The following CCDC93 variants were observed in gnomAD, a reference collection of about 807,000 sequenced individuals.
The protein encoded by CCDC93 is CCC complex scaffolding subunit CCDC93, also known as coiled-coil domain-containing protein 93.
Under a neutral mutation model 108.2 loss-of-function variants are expected in CCDC93, and 61 were observed. The observed-to-expected ratio is 0.56, with a 90% CI of 0.46 to 0.70. The LOEUF (loss-of-function observed/expected upper bound fraction) is 0.70. Among genes scored for constraint, CCDC93 ranks in the 30% least tolerant of loss-of-function variants. CCDC93 has a pLI of 0.00. For synonymous variants in CCDC93, 276 were observed against 260.4 expected, an observed-to-expected ratio of 1.06 and a Z score of -0.58; for missense variants, 685 against 764.2, an observed-to-expected ratio of 0.90 and a Z score of 1.22.
In CCDC93 at chr2:117,918,611, A is replaced by C. The variant is rs1677762549; in HGVS notation, c.*1732T>G. 1 of 152,254 alleles carries C rather than the reference A, an allele frequency of 6.6e-6. No homozygotes were observed. The highest frequency in any genetic ancestry group is 1.5e-5 in the Non-Finnish European group (1 of 68,048). The allele number at this position is 152,254 out of a possible 1,614,324, so 9.4% of individuals were successfully genotyped here. ...TACAAGCTGCTTAACAAGACAACGC[A>C]GATGTTTCCCTGACTGAAATAATTT... On this transcript the variant is annotated 3_prime_UTR_variant, in exon 24 of 24. Coordinates refer to ENST00000376300, the MANE Select transcript of CCDC93 (RefSeq NM_019044.5).
At chr2:117,994,453 T>C (rs774362597) in intron 6 of CCDC93, among the ~76,000 whole-genome samples, 2 of 152,222 alleles carry the variant, frequency 1.3e-5, no homozygotes, top group Non-Finnish European at 2.9e-5. Flanking sequence ...ATTACAACCA[T>C]AAAGTGATCA....
intron 3 of CCDC93, among the ~76,000 whole-genome samples, chr2:118,001,447 T>C (rs1680851255): frequency 1.3e-5 from 2 of 152,212 alleles, no homozygotes; most frequent in South Asian, 2.1e-4. Flanking sequence ...TACTCTCTGG[T>C]ACAAGGATAT....
chr2:117,960,659 T>C (rs1679362923), intron 11 of CCDC93, among the ~76,000 whole-genome samples: 1 of 152,236 alleles, frequency 6.6e-6, no homozygotes, highest in Non-Finnish European at 1.5e-5. Flanking sequence ...GCAGCCATCT[T>C]GATATGTGGA....
intron 1 of CCDC93, among the ~76,000 whole-genome samples, chr2:118,012,149 C>T (rs1677035414): frequency 6.6e-6 from 1 of 152,184 alleles, no homozygotes; most frequent in African/African-American, 2.4e-5. Context: ...TGGCTCACAT[C>T]TGCAATCCCA....
At chr2:117,935,947 T>C (rs1268851546) in intron 21 of CCDC93, 2 of 162,424 alleles carry the variant, frequency 1.2e-5, no homozygotes, top group Non-Finnish European at 2.7e-5. Context: ...GTTTACAAAA[T>C]TTGAGGATTG....
intron 23 of CCDC93, among the ~76,000 whole-genome samples, chr2:117,930,125 G>A (rs1052807106): frequency 1.3e-5 from 2 of 152,174 alleles, no homozygotes; most frequent in Non-Finnish European, 2.9e-5. Context: ...AAGGAAATAT[G>A]TAGAAGACAA....
At chr2:117,966,594 T>G (rs922253127) in intron 11 of CCDC93, among the ~76,000 whole-genome samples, 2 of 152,354 alleles carry the variant, frequency 1.3e-5, no homozygotes, top group South Asian at 4.1e-4. Flanking sequence ...GATTGCATCA[T>G]AAAGTGGAAT....
chr2:117,963,266 CA>C lies in CCDC93; in HGVS notation c.889-4786del, dbSNP rs575313593. ...ATACACCCCCTCCCAATGCACACAC[CA>C]TATACATACAAGCATGCCCATTCCT... On this transcript the variant is annotated intron_variant, in intron 11 of 23. Coordinates refer to ENST00000376300, the MANE Select transcript of CCDC93 (RefSeq NM_019044.5). Among the ~76,000 whole-genome samples, 189 of 152,306 alleles carry C rather than the reference CA, an allele frequency of 1.2e-3. 4 individuals carry two copies. The South Asian group carries it at 0.037, about 30-fold the overall frequency.
chr2:118,009,749 CA>C (rs1676973839), intron 1 of CCDC93, among the ~76,000 whole-genome samples: 1 of 152,110 alleles, frequency 6.6e-6, no homozygotes, highest in Admixed American at 6.5e-5. Context: ...GAAGGGAATT[CA>C]AAAGTGCATC....
chr2:117,930,290 T>C (rs1678283445), intron 23 of CCDC93, among the ~76,000 whole-genome samples: 1 of 152,152 alleles, frequency 6.6e-6, no homozygotes, highest in African/African-American at 2.4e-5. Context: ...TGAAACCACA[T>C]GGATTTAGGT....
intron 16 of CCDC93, among the ~76,000 whole-genome samples, 154 bp downstream of exon 16, chr2:117,946,657 G>A (rs572785458): frequency 6.6e-6 from 1 of 152,284 alleles, no homozygotes; most frequent in African/African-American, 2.4e-5. Flanking sequence ...AGAAGAGATG[G>A]ATACAAATCT....
chr2:117,982,758 G>T (rs1009477298), intron 7 of CCDC93, among the ~76,000 whole-genome samples: 3 of 4,300 alleles, frequency 7.0e-4, no homozygotes, highest in Non-Finnish European at 1.5e-3. Context: ...AGTGTAGTGG[G>T]GGGGGGGGTG....
rs138355029 is a variant in CCDC93, at chr2:117,946,933, C to T, written c.1225-51G>A. On this transcript the variant is annotated intron_variant, in intron 15 of 23. Transcript: ENST00000376300. ...AAAATTCAGACAAGGAGTAATTAGA[C>T]GCAATTATTCAACTATTTGGTCCAC... is the stretch of plus-strand genomic sequence containing the variant. 313 of 1,265,190 alleles carry T rather than the reference C, an allele frequency of 2.5e-4. No individual in the cohort carries two copies. In the East Asian group the frequency reaches 3.1e-3, roughly 13 times the overall value. 78.4% of individuals were successfully genotyped at this position (1,265,190 alleles called of 1,614,324 possible).
intron 23 of CCDC93, among the ~76,000 whole-genome samples, chr2:117,927,142 G>A (rs1678140631): frequency 6.6e-6 from 1 of 152,106 alleles, no homozygotes; most frequent in African/African-American, 2.4e-5. Context: ...AGCTATCTAT[G>A]ACAAACCCAC....
chr2:117,965,960 T>C (rs1679554715), intron 11 of CCDC93, among the ~76,000 whole-genome samples: 1 of 151,860 alleles, frequency 6.6e-6, no homozygotes, highest in Non-Finnish European at 1.5e-5. Context: ...ACTTCATACG[T>C]TTGGAAAAAG....
At chr2:117,975,368 G>A in intron 8 of CCDC93, 88 bp from the exon 9 acceptor site, 1 of 962,530 alleles carries the variant, frequency 1.0e-6, no homozygotes, top group Non-Finnish European at 1.6e-6. Context: ...ATGAGTCTGT[G>A]AAAAAAACAC....
intron 21 of CCDC93, chr2:117,935,887 T>C (rs1678505383): frequency 4.2e-6 from 1 of 237,658 alleles, no homozygotes; most frequent in Non-Finnish European, 8.1e-6. Context: ...AACAAAAACA[T>C]TATTTATTTG....
chr2:117,997,708 CAG>C (rs1198890482), intron 4 of CCDC93: 1 of 152,270 alleles, frequency 6.6e-6, no homozygotes, highest in African/African-American at 2.4e-5. Context: ...AATCCAGAAG[CAG>C]AGACAGAAGA....
chr2:118,003,657 T>C (rs1676779364), intron 3 of CCDC93, among the ~76,000 whole-genome samples: 1 of 152,194 alleles, frequency 6.6e-6, no homozygotes, highest in African/African-American at 2.4e-5. Flanking sequence ...TGGCATTTCC[T>C]GGCCACTCTT....
Sources: gnomAD v4.1 joint callset for allele counts (sites outside exome capture counted in the v4.1 genomes callset) on GRCh38, gnomAD v4.1.1 for gene constraint, MANE v1.5 for transcripts, NCBI Gene and HGNC (gene_info 2026-07-23, HGNC 2026-07-21) for gene names.